Variants in KIFAP3 observed in about 807,000 individuals in gnomAD.
KIFAP3 encodes the protein kinesin associated protein 3.
Under a neutral mutation model 106.5 loss-of-function variants are expected in KIFAP3, and 68 were observed. The observed-to-expected ratio is 0.64, with a 90% confidence interval of 0.53 to 0.78. The LOEUF is 0.78. Ranked by LOEUF, KIFAP3 falls within the 30% of genes least tolerant of loss-of-function variation. The pLI, the probability that KIFAP3 is intolerant of heterozygous loss-of-function variation, is 0.00. For missense variants in KIFAP3, 780 were observed against 941.8 expected, an observed-to-expected ratio of 0.83 and a Z score of 2.25; for synonymous variants, 320 against 311.5, an observed-to-expected ratio of 1.03 and a Z score of -0.29.
intron 16 of KIFAP3, among the ~76,000 whole-genome samples, chr1:169,973,105 G>GTGTATATATATATATATATA (rs145406203): frequency 0.024 from 2,183 of 90,114 alleles, 235 homozygotes; most frequent in African/African-American, 0.048. Flanking sequence ...AAAATAGTGT[G>GTGTATATATATATATATATA]TATATATATA....
At chr1:170,003,745 C>A (rs550725477) in intron 10 of KIFAP3, among the ~76,000 whole-genome samples, 58 of 152,180 alleles carry the variant, frequency 3.8e-4, no homozygotes, top group Non-Finnish European at 1.2e-4. Context: ...AAAACCACAG[C>A]CAATATCATA....
chr1:170,000,388 C>G (rs915692659), intron 10 of KIFAP3, among the ~76,000 whole-genome samples: 1 of 152,090 alleles, frequency 6.6e-6, no homozygotes, highest in African/African-American at 2.4e-5. Flanking sequence ...GATAGAATAG[C>G]ATTAAGGTGA....
chr1:170,046,960 A>T, intron 2 of KIFAP3, 94 bp from the exon 3 acceptor site: 1 of 671,704 alleles, frequency 1.5e-6, no homozygotes. Context: ...ATAAATTATT[A>T]TAGAGAACCT....
intron 1 of KIFAP3, among the ~76,000 whole-genome samples, chr1:170,072,511 C>A (rs867188347): frequency 6.6e-6 from 1 of 151,884 alleles, no homozygotes; most frequent in Admixed American, 6.6e-5. Context: ...GAGGAATTAG[C>A]GGGGCAAAGA....
chr1:169,977,503 A>G (rs75680961), intron 16 of KIFAP3, among the ~76,000 whole-genome samples: 3,451 of 152,214 alleles, frequency 0.023, 66 homozygotes, highest in Middle Eastern at 0.075. Flanking sequence ...ATTGTATCCT[A>G]GGGAGGTTAA....
At chr1:170,019,491 A>G (rs1484141851) in intron 9 of KIFAP3, among the ~76,000 whole-genome samples, 2 of 152,172 alleles carry the variant, frequency 1.3e-5, no homozygotes, top group East Asian at 3.8e-4. Context: ...AGTAATGTTT[A>G]TCCCCTCAAT....
At chr1:169,979,809 G>A (rs1392349196) in intron 15 of KIFAP3, among the ~76,000 whole-genome samples, 2 of 152,050 alleles carry the variant, frequency 1.3e-5, no homozygotes, top group African/African-American at 4.8e-5. Flanking sequence ...TTCACCAAAT[G>A]AAAGGTTTCA....
At chr1:170,071,407 A>G (rs1287660139) in intron 1 of KIFAP3, among the ~76,000 whole-genome samples, 1 of 152,208 alleles carries the variant, frequency 6.6e-6, no homozygotes, top group African/African-American at 2.4e-5. Flanking sequence ...GAATTAGTCA[A>G]TTTTATGTTG....
chr1:169,962,567 G>T (rs572208604), intron 17 of KIFAP3, among the ~76,000 whole-genome samples: 1 of 152,092 alleles, frequency 6.6e-6, no homozygotes. Context: ...GGGATGCAGG[G>T]TAATAGCACT....
chr1:169,953,956 G>T, intron 19 of KIFAP3, 55 bp downstream of exon 19: 1 of 1,211,822 alleles, frequency 8.3e-7, no homozygotes, highest in Non-Finnish European at 1.2e-6. Context: ...GAGGATTTTA[G>T]CTTTCCAAAA....
Position 169,973,124 on chromosome 1 carries a change from A to ATATATATATATATATAG in KIFAP3, c.1898-527_1898-526insCTATATATATATATATA, listed in dbSNP as rs1361338751. ...TAGTGTGTATATATATATATATATA[A>ATATATATATATATATAG]ACAACACAAATCAGGATTAGAAAAC... On this transcript the variant is annotated intron_variant, in intron 16 of 19. Coordinates refer to ENST00000361580, the MANE Select transcript of KIFAP3 (RefSeq NM_014970.4). Among the ~76,000 whole-genome samples, 85 of 48,696 alleles carry ATATATATATATATATAG rather than the reference A, an allele frequency of 1.7e-3. 2 individuals are homozygous for ATATATATATATATATAG. Among genetic ancestry groups the ATATATATATATATATAG allele is most frequent in the South Asian group, 0.011 (14 of 1,298 alleles). 31.9% of individuals were successfully genotyped at this position (48,696 alleles called of 152,430 possible). A position where few individuals can be genotyped will look rare whatever the true frequency, so the allele number is the denominator to read the frequency against.
At chr1:169,944,340 C>T (rs138801041) in intron 19 of KIFAP3, among the ~76,000 whole-genome samples, 4 of 152,326 alleles carry the variant, frequency 2.6e-5, no homozygotes, top group African/African-American at 9.6e-5. Context: ...CACGCAGCTT[C>T]TGCTCTGAGC....
intron 3 of KIFAP3, 107 bp downstream of exon 3, chr1:170,046,605 A>G (rs2102087003): frequency 1.1e-6 from 1 of 889,124 alleles, no homozygotes; most frequent in East Asian, 2.8e-5. Flanking sequence ...AAACCTACCC[A>G]ACATCAAATA....
At position 169,967,824 on chromosome 1, in the gene KIFAP3, A is replaced by G. The variant is rs183266902; in HGVS notation, c.1983+4689T>C. ...CCAATGTCAAAAAATTTTAATCAAC[A>G]TACATCATTAAAATAAATTTCTCTA... On this transcript the variant is annotated intron_variant, in intron 17 of 19. Coordinates refer to ENST00000361580, the MANE Select transcript of KIFAP3 (RefSeq NM_014970.4). Among the ~76,000 whole-genome samples, 94 of 151,950 alleles carry G rather than the reference A, an allele frequency of 6.2e-4. 1 individual carries two copies. The highest frequency in any genetic ancestry group is 1.1e-3 in the Non-Finnish European group (76 of 67,806).
intron 18 of KIFAP3, chr1:169,958,144 T>C (rs1665127147): frequency 6.6e-6 from 1 of 152,296 alleles, no homozygotes; most frequent in Non-Finnish European, 1.5e-5. Flanking sequence ...GGACACCCGA[T>C]TGGCATAGCT....
At chr1:170,078,401 C>T (rs1306134993), upstream of KIFAP3, among the ~76,000 whole-genome samples, 1 of 151,692 alleles carries the variant, frequency 6.6e-6, no homozygotes, top group Non-Finnish European at 1.5e-5. Flanking sequence ...TATATTTTTG[C>T]CAGACTGATA....
intron 7 of KIFAP3, among the ~76,000 whole-genome samples, chr1:170,033,041 T>G (rs1356969475): frequency 6.6e-6 from 1 of 151,730 alleles, no homozygotes; most frequent in Non-Finnish European, 1.5e-5. Flanking sequence ...AAATAAATTT[T>G]GGGTACCACT....
chr1:170,043,814 A>C (rs1250192592), intron 3 of KIFAP3, among the ~76,000 whole-genome samples: 1 of 152,204 alleles, frequency 6.6e-6, no homozygotes, highest in Non-Finnish European at 1.5e-5. Context: ...AATTGAATGA[A>C]TAAAATGGAA....
intron 3 of KIFAP3, among the ~76,000 whole-genome samples, chr1:170,046,125 G>C (rs2065950): frequency 0.76 from 113,432 of 148,790 alleles, 43,644 homozygotes; most frequent in East Asian, 0.99. Flanking sequence ...AAAACTCTAG[G>C]CCCAAACTTC....
Sources: gnomAD v4.1 joint callset for allele counts (sites outside exome capture counted in the v4.1 genomes callset) on GRCh38, gnomAD v4.1.1 for gene constraint, MANE v1.5 for transcripts, NCBI Gene and HGNC (gene_info 2026-07-23, HGNC 2026-07-21) for gene names.